The following WDR24 variants were observed in gnomAD, a reference collection of about 807,000 sequenced individuals.
WDR24 encodes the protein GATOR2 complex protein WDR24.
WDR24 carries 32 observed loss-of-function variants against 66.7 expected under a neutral mutation model. That is an observed-to-expected ratio of 0.48 (90% CI 0.36 to 0.64). WDR24 has a LOEUF of 0.64. Among genes scored for constraint, WDR24 ranks in the 30% least tolerant of loss-of-function variants. The probability of loss-of-function intolerance (pLI) is 0.00; values close to 1 mark genes in which losing one functional copy is unlikely to be tolerated. For missense variants in WDR24, 978 were observed against 1,144.1 expected (o/e 0.85, Z 2.09); for synonymous variants, 565 against 469.1 (o/e 1.20, Z -2.64).
rs1463077045 is a variant in WDR24 at position 689,801 on chromosome 16, A to G, written c.-161T>C. ...TTAGTGAGCCAATCCAGGGCTGTCTATCAGCCAATCAGCCTGACAGGCAAG... is the reference window on the plus strand; with the variant it reads ...TTAGTGAGCCAATCCAGGGCTGTCTGTCAGCCAATCAGCCTGACAGGCAAG... On this transcript the variant is annotated 5_prime_UTR_variant, in exon 1 of 9. Coordinates refer to ENST00000293883, the MANE Select transcript of WDR24 (RefSeq NM_032259.4). 7.4e-6 allele frequency: 8 copies of G among 1,088,102 alleles called. No homozygotes were observed. The highest frequency in any genetic ancestry group is 2.2e-4 in the Middle Eastern group (1 of 4,478). 67.4% of individuals were successfully genotyped at this position (1,088,102 alleles called of 1,614,324 possible). A position where few individuals can be genotyped will look rare whatever the true frequency, so the allele number is the denominator to read the frequency against.
Position 686,732 on chromosome 16 carries a change from G to C in WDR24, c.1332+12C>G. On this transcript the variant is annotated intron_variant, in intron 3 of 8. Coordinates refer to ENST00000293883, the MANE Select transcript of WDR24 (RefSeq NM_032259.4). The stretch of plus-strand genomic sequence containing the variant: ...CGTGGCCCAGGGACCCCCAGGCTCA[G>C]CACCTACCTACCTGGTTGCGGCCAA... The C allele has an allele frequency of 6.3e-7, 1 of 1,582,596 alleles. No individual in the cohort carries two copies. Among genetic ancestry groups the C allele is most frequent in the African/African-American group, 1.3e-5 (1 of 74,500 alleles).
chr16:686,665 G>C (rs2039911072), intron 3 of WDR24, 79 bp downstream of exon 3: 2 of 1,482,940 alleles, frequency 1.3e-6, no homozygotes, highest in Non-Finnish European at 1.8e-6. Flanking sequence ...CTTGAGGTGG[G>C]GTGAGCGCAG....
At position 684,768 on chromosome 16, in the gene WDR24, G is replaced by C; in HGVS notation, c.2339C>G (p.Pro780Arg). 6.2e-7 allele frequency: 1 copy of C among 1,600,514 alleles called. No homozygotes were observed. The highest frequency in any genetic ancestry group is 8.5e-7 in the Non-Finnish European group (1 of 1,175,242). Residue 780 changes from proline (P) to arginine (R), a missense_variant, in exon 9 of 9, where the codon CCC (proline) becomes CGC (arginine). Physicochemically the swap from Pro to Arg is moderately radical, Grantham distance 103. Around this residue, in one of 2 missense-constraint regions of WDR24, gnomAD observed 676 missense variants for 617.5 expected, o/e 1.09. Coordinates refer to ENST00000293883, the MANE Select transcript of WDR24 (RefSeq NM_032259.4). ...MKWLEGSSHC[P>R]AGCGHLCEYS ...CTCGCAGAGGTGGCCGCAGCCTGCG[G>C]GACAGTGGGAGCTGCCTTCCAGCCA...
In WDR24 at chr16:685,698, C is replaced by T. The variant is rs567297213; in HGVS notation, c.1659G>A (p.Leu553=). ...ACTCACGGTGCGCGTGTTCCGGATCCAGCAGGTACAGCTCGTCCTCCTCAC... is the reference window on the plus strand; with the variant it reads ...ACTCACGGTGCGCGTGTTCCGGATCTAGCAGGTACAGCTCGTCCTCCTCAC... The part of the protein sequence containing the change: ...VEGEEDELYL[L]DPEHAHPEDP... The change falls in exon 6 of 9, where the codon CTG becomes CTA. Residue 553 remains leucine, a synonymous_variant. Transcript: ENST00000293883. The T allele has an allele frequency of 7.2e-5, 116 of 1,613,172 alleles. No homozygotes were observed. The South Asian group carries it at 1.1e-3, about 16-fold the overall frequency.
At chr16:687,866 G>A (rs754321773) in intron 1 of WDR24, 127 bp from the exon 2 acceptor site, 1 of 1,278,236 alleles carries the variant, frequency 7.8e-7, no homozygotes, top group Non-Finnish European at 1.1e-6. Context: ...GGGTAGAGTG[G>A]ACATCCCCAA....
Position 690,370 on chromosome 16 carries a change from G to C in WDR24, c.-730C>G, listed in dbSNP as rs775148581. The C allele has an allele frequency of 2.8e-5, 13 of 456,584 alleles. No homozygotes were observed. The East Asian group carries it at 5.6e-4, about 20-fold the overall frequency. 28.3% of individuals were successfully genotyped at this position (456,584 alleles called of 1,614,324 possible). ...CCCCAATCTTTTACTAAAAGCGCAC[G>C]GTTGTCCGGAACCGCCGCGCCGGAA... On this transcript the variant is annotated 5_prime_UTR_variant, in exon 1 of 9. Coordinates refer to ENST00000293883, the MANE Select transcript of WDR24 (RefSeq NM_032259.4).
At position 685,357 on chromosome 16, in the gene WDR24, A is replaced by G. The variant is rs1489717862; in HGVS notation, c.1919T>C (p.Met640Thr). Residue 640 changes from methionine to threonine, a missense_variant, in exon 7 of 9, where the codon ATG becomes ACG. Transcript: ENST00000293883. ...GCCCTGCTCAGCGTAGAAGTGCAGCATGTCGCGCACCAGCACGCCGAAGAA... is the reference window on the plus strand; with the variant it reads ...GCCCTGCTCAGCGTAGAAGTGCAGCGTGTCGCGCACCAGCACGCCGAAGAA... The part of the protein sequence containing the change: ...PDFFGVLVRD[M>T]LHFYAEQGDV... 1.9e-6 allele frequency: 3 copies of G among 1,611,580 alleles called. No individual in the cohort carries two copies. Among genetic ancestry groups the G allele is most frequent in the African/African-American group, 2.7e-5 (2 of 74,942 alleles).
intron 3 of WDR24, 50 bp downstream of exon 3, chr16:686,694 C>A: frequency 6.5e-7 from 1 of 1,537,146 alleles, no homozygotes; most frequent in East Asian, 2.3e-5. Flanking sequence ...GGAACCAGCC[C>A]CTGCCCTGAG....
Position 685,109 on chromosome 16 carries a change from A to C in WDR24, c.2087T>G (p.Val696Gly). 2 of 1,556,866 alleles carry C rather than the reference A, an allele frequency of 1.3e-6. No homozygotes were observed. The highest frequency in any genetic ancestry group is 1.7e-6 in the Non-Finnish European group (2 of 1,151,130). ...RFRLWNVSNE[V>G]VKLSTSRAVS... ...GGCGCGGCTGGTGCTCAGCTTGACC[A>C]CCTCGTTGGACACGTTCCAGAGGCG... Residue 696 changes from valine (V) to glycine (G), a missense_variant, in exon 8 of 9, where the codon GTG becomes GGG. Val to Gly is a moderately radical substitution (Grantham distance 109). Coordinates refer to ENST00000293883, the MANE Select transcript of WDR24 (RefSeq NM_032259.4).
Position 685,271 on chromosome 16 carries a change from C to G in WDR24, c.2005G>C (p.Asp669His), listed in dbSNP as rs376665117. ...CCACCACACACCTGGGTCTGCTCGT[C>G]GATGTCCTTGCGCACCCGTTCACCC... ...VLGERVRKDI[D>H]EQTQEHWYTS... Residue 669 changes from aspartate (D) to histidine (H), a missense_variant, in exon 7 of 9, where the codon GAC becomes CAC. By Grantham distance (81) the Asp-to-His change is moderately conservative (BLOSUM62 -1). Around this residue, in one of 2 missense-constraint regions of WDR24, gnomAD observed 676 missense variants for 617.5 expected, o/e 1.09. Coordinates refer to ENST00000293883, the MANE Select transcript of WDR24 (RefSeq NM_032259.4). The G allele has an allele frequency of 3.1e-6, 5 of 1,593,762 alleles. No homozygotes were observed. The highest frequency in any genetic ancestry group is 3.4e-5 in the Admixed American group (2 of 59,688).
Position 684,744 on chromosome 16 carries a change from T to A in WDR24, c.2363A>T (p.Glu788Val), listed in dbSNP as rs368939669. The A allele has an allele frequency of 7.3e-4, 1,172 of 1,597,800 alleles. 2 individuals carry two copies. Among genetic ancestry groups the A allele is most frequent in the Non-Finnish European group, 9.4e-4 (1,100 of 1,173,548 alleles). ...HCPAGCGHLCEYS is the reference protein window; with the variant it reads ...HCPAGCGHLCVYS Reference sequence around the variant, plus strand: ...CCAGCAGATGCCCCGTCAGGAGTACTCGCAGAGGTGGCCGCAGCCTGCGGG... The same window carrying A: ...CCAGCAGATGCCCCGTCAGGAGTACACGCAGAGGTGGCCGCAGCCTGCGGG... The change falls in exon 9 of 9, where the codon GAG (glutamate) becomes GTG (valine). Residue 788 changes from glutamate to valine, a missense_variant. This residue lies in a region of WDR24 where 676 missense variants were observed against 617.5 expected (regional missense o/e 1.09). Coordinates refer to ENST00000293883, the MANE Select transcript of WDR24 (RefSeq NM_032259.4).
chr16:689,682 G>C lies in WDR24; in HGVS notation c.-42C>G. The C allele has an allele frequency of 6.3e-7, 1 of 1,599,178 alleles. No homozygotes were observed. Among genetic ancestry groups the C allele is most frequent in the Non-Finnish European group, 8.5e-7 (1 of 1,171,952 alleles). On this transcript the variant is annotated 5_prime_UTR_variant, in exon 1 of 9. Transcript: ENST00000293883. ...AGGTCAGGGGTCAGGAGGTCAGTGAGGTGGGCTGGCCTGGTCAGCCTGGGT... is the reference window on the plus strand; with the variant it reads ...AGGTCAGGGGTCAGGAGGTCAGTGACGTGGGCTGGCCTGGTCAGCCTGGGT...
rs2151516337 is a variant in WDR24, at chr16:687,003, C to T, written c.1073G>A (p.Ser358Asn). 2 of 1,601,650 alleles carry T rather than the reference C, an allele frequency of 1.2e-6. No individual in the cohort carries two copies. Among genetic ancestry groups the T allele is most frequent in the South Asian group, 1.1e-5 (1 of 90,500 alleles). The change falls in exon 3 of 9, where the codon AGC (serine) becomes AAC (asparagine). Residue 358 changes from serine (S) to asparagine (N), a missense_variant. Around this residue, in one of 2 missense-constraint regions of WDR24, gnomAD observed 676 missense variants for 617.5 expected, o/e 1.09. Transcript: ENST00000293883. ...FGDLAFAAKE[S>N]LVAAESGRKP... is the part of the protein sequence containing the mutation. ...GCGCCCCGACTCGGCAGCCACGAGG[C>T]TCTCCTTGGCGGCGAAGGCCAGGTC...
intron 5 of WDR24, 31 bp downstream of exon 5, chr16:685,838 C>T (rs773090745): frequency 5.6e-6 from 9 of 1,612,932 alleles, no homozygotes; most frequent in Admixed American, 1.7e-5. Context: ...CCACCCCTCT[C>T]CCATCAGCAC....
At chr16:687,474 C>A (rs1228757372) in intron 2 of WDR24, 58 bp from the exon 3 acceptor site, 11 of 1,575,184 alleles carry the variant, frequency 7.0e-6, no homozygotes, top group Non-Finnish European at 9.5e-6. Context: ...GAGGGGACCC[C>A]CCCGCTCTGC....
rs2039898135 is a variant in WDR24 at position 685,939 on chromosome 16, G to A, written c.1503C>T (p.Asp501=). The change falls in exon 5 of 9, where the codon GAC becomes GAT. Residue 501 remains aspartate, a synonymous_variant. Transcript: ENST00000293883. ...APGLGSETRL[D]RSKGDARSDT... ...CGCTCCGTGCATCTCCTTTGCTGCGGTCCAGCCGCGTCTCACTGCCCAACC... is the reference window on the plus strand; with the variant it reads ...CGCTCCGTGCATCTCCTTTGCTGCGATCCAGCCGCGTCTCACTGCCCAACC... 6.2e-7 allele frequency: 1 copy of A among 1,613,126 alleles called. No individual in the cohort carries two copies. Among genetic ancestry groups the A allele is most frequent in the Non-Finnish European group, 8.5e-7 (1 of 1,179,988 alleles).
intron 5 of WDR24, 25 bp downstream of exon 5, chr16:685,844 A>C: frequency 6.2e-7 from 1 of 1,612,430 alleles, no homozygotes; most frequent in Middle Eastern, 1.6e-4. Flanking sequence ...CTCTCCCATC[A>C]GCACCCCTAC....
chr16:686,857 C>T lies in WDR24; in HGVS notation c.1219G>A (p.Gly407Ser), dbSNP rs372812017. The T allele has an allele frequency of 9.9e-5, 159 of 1,610,752 alleles. 1 individual carries two copies. In the South Asian group the frequency reaches 1.2e-3, roughly 13 times the overall value. ...GTGTCCACAAACCAGCGCATGCCGC[C>T]GCCACCTGGCTCCGTCTCAAAGACA... ...LSVFETEPGG[G>S]GMRWFVDTAE... The change falls in exon 3 of 9, where the codon GGC (glycine) becomes AGC (serine). Residue 407 changes from glycine (G) to serine (S), a missense_variant. Coordinates refer to ENST00000293883, the MANE Select transcript of WDR24 (RefSeq NM_032259.4).
In WDR24 at chr16:689,733, C is replaced by G; in HGVS notation, c.-93G>C. On this transcript the variant is annotated 5_prime_UTR_variant, in exon 1 of 9. Coordinates refer to ENST00000293883, the MANE Select transcript of WDR24 (RefSeq NM_032259.4). ...GGGTCATCAGTTCAGACCTTCCACCCAGGTTGGGACCCCAGAACTGCTTGG... is the reference window on the plus strand; with the variant it reads ...GGGTCATCAGTTCAGACCTTCCACCGAGGTTGGGACCCCAGAACTGCTTGG... 2 of 1,518,940 alleles carry G rather than the reference C, an allele frequency of 1.3e-6. No homozygotes were observed. Among genetic ancestry groups the G allele is most frequent in the East Asian group, 2.4e-5 (1 of 41,970 alleles). The allele number at this position is 1,518,940 out of a possible 1,614,324, so 94.1% of individuals were successfully genotyped here. A position where few individuals can be genotyped will look rare whatever the true frequency, so the allele number is the denominator to read the frequency against.
Sources: allele counts gnomAD v4.1 joint callset, GRCh38; gene constraint gnomAD v4.1.1; regional missense constraint gnomAD v4.1.1; transcripts MANE v1.5; gene names NCBI Gene and HGNC (gene_info 2026-07-23, HGNC 2026-07-21).